Variants in SPTBN1 observed in about 807,000 individuals in gnomAD.
SPTBN1 encodes spectrin beta chain, non-erythrocytic 1.
SPTBN1 carries 32 observed loss-of-function variants against 266.4 expected under a neutral mutation model. The observed-to-expected ratio is 0.12, with a 90% CI of 0.09 to 0.16. SPTBN1 has a LOEUF of 0.16. Among genes scored for constraint, SPTBN1 ranks in the 10% least tolerant of loss-of-function variants. The probability of loss-of-function intolerance (pLI) is 1.00; values close to 1 mark genes in which losing one functional copy is unlikely to be tolerated. For synonymous variants in SPTBN1, 1,336 were observed against 1,162.2 expected (o/e 1.15, Z -3.04); for missense variants, 2,296 against 3,067.1 (o/e 0.75, Z 5.94).
Position 54,629,458 on chromosome 2 carries a change from A to G in SPTBN1, c.2324A>G (p.Asp775Gly). 6.2e-7 allele frequency: 1 copy of G among 1,614,154 alleles called. No homozygotes were observed. The highest frequency in any genetic ancestry group is 8.5e-7 in the Non-Finnish European group (1 of 1,180,038). The change falls in exon 14 of 36, where the codon GAT (aspartate) becomes GGT (glycine). Residue 775 changes from aspartate (D) to glycine (G), a missense_variant. Asp to Gly is a moderately conservative substitution (Grantham distance 94). Coordinates refer to ENST00000356805, the MANE Select transcript of SPTBN1 (RefSeq NM_003128.3). The stretch of plus-strand genomic sequence containing the variant: ...GTCTCCAGCAGCGACGTGGGCCACG[A>G]TGAGTATTCCACACAGTCTCTGGTC... ...KIVSSSDVGH[D>G]EYSTQSLVKK...
At chr2:54,663,203 G>A (rs1681167212) in intron 32 of SPTBN1, 1 of 152,200 alleles carries the variant, frequency 6.6e-6, no homozygotes. Context: ...ACATGGTGGT[G>A]GCCAGTCTAC....
chr2:54,520,648 C>G (rs1295962997), intron 1 of SPTBN1, among the ~76,000 whole-genome samples: 3 of 151,290 alleles, frequency 2.0e-5, no homozygotes, highest in Non-Finnish European at 4.4e-5. Flanking sequence ...CACCCACACC[C>G]TACCCCATGC....
chr2:54,546,247 C>T (rs1672231898), intron 2 of SPTBN1, among the ~76,000 whole-genome samples: 1 of 152,126 alleles, frequency 6.6e-6, no homozygotes, highest in African/African-American at 2.4e-5. Context: ...CAAAATTATT[C>T]GTAACAGCAA....
At chr2:54,507,245 G>C (rs1262245024) in intron 1 of SPTBN1, among the ~76,000 whole-genome samples, 3 of 152,260 alleles carry the variant, frequency 2.0e-5, no homozygotes, top group Non-Finnish European at 2.9e-5. Context: ...GGATGTATAC[G>C]TGCAGGTCAC....
chr2:54,649,698 A>G lies in SPTBN1; in HGVS notation c.5286A>G (p.Ala1762=). The change falls in exon 26 of 36, where the codon GCA becomes GCG. Residue 1762 remains alanine, a synonymous_variant. Coordinates refer to ENST00000356805, the MANE Select transcript of SPTBN1 (RefSeq NM_003128.3). This position sits in a 1 kb window ranked among gnomAD's most constrained non-coding sequence, Gnocchi z 6.7. ...QERVDTVNHL[A]DELINSGHSD... is the part of the protein sequence containing the mutation. Reference sequence around the variant, plus strand: ...GCGTGGACACGGTCAATCACCTGGCAGATGAGCTCATCAACTCTGGACATT... The same window carrying G: ...GCGTGGACACGGTCAATCACCTGGCGGATGAGCTCATCAACTCTGGACATT... The G allele has an allele frequency of 6.2e-7, 1 of 1,614,190 alleles. No individual in the cohort carries two copies. Among genetic ancestry groups the G allele is most frequent in the Non-Finnish European group, 8.5e-7 (1 of 1,180,030 alleles).
intron 2 of SPTBN1, among the ~76,000 whole-genome samples, chr2:54,575,708 ATC>A (rs1674412677): frequency 6.6e-6 from 1 of 152,362 alleles, no homozygotes; most frequent in Non-Finnish European, 1.5e-5. Context: ...GCAGCTGAAC[ATC>A]TGTTATGATG....
At chr2:54,598,970 G>A (rs889621464) in intron 2 of SPTBN1, 122 bp from the exon 3 acceptor site, 2 of 1,003,926 alleles carry the variant, frequency 2.0e-6, no homozygotes, top group African/African-American at 1.6e-5. Context: ...GCTAAGTAGA[G>A]GTGTCCTTGG....
intron 2 of SPTBN1, chr2:54,528,682 T>G (rs1670990424): frequency 7.1e-6 from 1 of 141,756 alleles, no homozygotes; most frequent in Non-Finnish European, 1.5e-5. Context: ...TATACTCTTT[T>G]TCAGTATTCA....
At chr2:54,516,614 G>T (rs1011886136) in intron 1 of SPTBN1, among the ~76,000 whole-genome samples, 5 of 152,178 alleles carry the variant, frequency 3.3e-5, no homozygotes, top group African/African-American at 9.7e-5. Flanking sequence ...AATGGATTAT[G>T]CTTGCCGACT....
intron 12 of SPTBN1, among the ~76,000 whole-genome samples, chr2:54,627,876 G>A (rs1448983996): frequency 6.9e-6 from 1 of 145,804 alleles, no homozygotes; most frequent in Non-Finnish European, 1.5e-5. Context: ...TCCAAGTTTG[G>A]TGATCCTTAG....
At chr2:54,640,573 A>G (rs1473196326) in intron 18 of SPTBN1, among the ~76,000 whole-genome samples, 1 of 152,130 alleles carries the variant, frequency 6.6e-6, no homozygotes, top group Non-Finnish European at 1.5e-5. Context: ...TTTGTTTGAG[A>G]CAGAGTCTCA....
At chr2:54,560,531 C>T (rs748895327) in intron 2 of SPTBN1, among the ~76,000 whole-genome samples, 1 of 152,076 alleles carries the variant, frequency 6.6e-6, no homozygotes, top group African/African-American at 2.4e-5. Context: ...TCTTAACTGT[C>T]CTCTCTGGAC....
chr2:54,572,519 A>C (rs1260744580), intron 2 of SPTBN1, among the ~76,000 whole-genome samples: 1 of 152,220 alleles, frequency 6.6e-6, no homozygotes, highest in Admixed American at 6.5e-5. Context: ...GCTGGGCTTC[A>C]GAAACTTAGA....
In SPTBN1 at chr2:54,546,020, T is replaced by A. The variant is rs118025273; in HGVS notation, c.148+19454T>A. Among the ~76,000 whole-genome samples, 1,034 of 152,336 alleles carry A rather than the reference T, an allele frequency of 6.8e-3. 15 individuals carry two copies. Among genetic ancestry groups the A allele is most frequent in the South Asian group, 0.062 (300 of 4,818 alleles). ...CTAGTCTCTTGTTAATTTTTGTTAA[T>A]GTTTTATGCTTGATGAGTCAGAAAT... On this transcript the variant is annotated intron_variant, in intron 2 of 35. Transcript: ENST00000356805.
chr2:54,596,942 T>C (rs1676131911), intron 2 of SPTBN1, among the ~76,000 whole-genome samples: 1 of 152,210 alleles, frequency 6.6e-6, no homozygotes, highest in Non-Finnish European at 1.5e-5. Flanking sequence ...TGAAAGAACC[T>C]GTTAATTCAA....
chr2:54,485,153 T>C (rs1028074369), intron 1 of SPTBN1, among the ~76,000 whole-genome samples: 27 of 110,124 alleles, frequency 2.5e-4, no homozygotes, highest in African/African-American at 6.8e-4. Flanking sequence ...CGCCTCTCCC[T>C]CTCCCTCTCC....
At chr2:54,566,274 C>T (rs563700095) in intron 2 of SPTBN1, among the ~76,000 whole-genome samples, 7 of 151,020 alleles carry the variant, frequency 4.6e-5, no homozygotes, top group Admixed American at 1.3e-4. Context: ...CCGCAACGTC[C>T]GCCTCCGGGT....
At chr2:54,659,614 A>C (rs544710992) in intron 31 of SPTBN1, among the ~76,000 whole-genome samples, 2 of 151,974 alleles carry the variant, frequency 1.3e-5, no homozygotes, top group South Asian at 2.1e-4. Context: ...GTTTTTTGAG[A>C]GTTCTAAGTA....
intron 2 of SPTBN1, among the ~76,000 whole-genome samples, chr2:54,575,768 G>A (rs1020688336): frequency 2.6e-5 from 4 of 152,160 alleles, no homozygotes; most frequent in African/African-American, 4.8e-5. Context: ...TCGATGTATC[G>A]GGAACTCCTT....
Sources: allele counts gnomAD v4.1 joint callset (sites outside exome capture counted in the v4.1 genomes callset), GRCh38; gene constraint gnomAD v4.1.1; non-coding constraint Gnocchi (gnomAD v3.1); transcripts MANE v1.5; gene names NCBI Gene and HGNC (gene_info 2026-07-23, HGNC 2026-07-21).